AURKB: variants seen among roughly 807,000 people sequenced by gnomAD.
AURKB encodes the protein aurora kinase B-Sv1.
Under a neutral mutation model 36.5 loss-of-function variants are expected in AURKB, and 28 were observed. The observed-to-expected ratio is 0.77, with a 90% CI of 0.57 to 1.05. The LOEUF (loss-of-function observed/expected upper bound fraction) is 1.05. Among genes scored for constraint, AURKB ranks in the 50% least tolerant of loss-of-function variants. AURKB has a pLI of 0.00. For missense variants in AURKB, 383 were observed against 447.4 expected, an observed-to-expected ratio of 0.86 and a Z score of 1.30; for synonymous variants, 175 against 172.9, an observed-to-expected ratio of 1.01 and a Z score of -0.09.
At position 8,204,968 on chromosome 17, in the gene AURKB, G is replaced by A. The variant is rs144169786; in HGVS notation, c.938C>T (p.Ser313Leu). ...GACCTGGGCCAGGGGCAGCCGTTCC[G>A]AGGGGTTATGCCTGAGCAGTTTGGA... Reference protein sequence around the residue: ...LISKLLRHNPSERLPLAQVSA... With the variant: ...LISKLLRHNPLERLPLAQVSA... The change falls in exon 9 of 9, where the codon TCG becomes TTG. Residue 313 changes from serine to leucine, a missense_variant. By Grantham distance (145) the Ser-to-Leu change is moderately radical. Around this residue, in one of 3 missense-constraint regions of AURKB, gnomAD observed 219 missense variants for 252.6 expected, o/e 0.87. Coordinates refer to ENST00000585124, the MANE Select transcript of AURKB (RefSeq NM_004217.4). 1.5e-5 allele frequency: 24 copies of A among 1,610,146 alleles called. No homozygotes were observed. The highest frequency in any genetic ancestry group is 9.4e-5 in the African/African-American group (7 of 74,428).
intron 1 of AURKB, 93 bp from the exon 2 acceptor site, chr17:8,210,342 C>T (rs1985939764): frequency 2.1e-6 from 2 of 974,586 alleles, no homozygotes; most frequent in African/African-American, 3.3e-5. Context: ...CTAGCCCGAG[C>T]TGGTAAAAGG....
At chr17:8,209,885 G>A in intron 2 of AURKB, 1 of 492,788 alleles carries the variant, frequency 2.0e-6, no homozygotes, top group East Asian at 3.7e-5. Context: ...ATCATGGCCT[G>A]AAGGCCAGGC....
Position 8,207,195 on chromosome 17 carries a change from C to T in AURKB, c.379G>A (p.Glu127Lys), listed in dbSNP as rs2151472869. 2 of 1,612,794 alleles carry T rather than the reference C, an allele frequency of 1.2e-6. No individual in the cohort carries two copies. Among genetic ancestry groups the T allele is most frequent in the Non-Finnish European group, 1.7e-6 (2 of 1,178,946 alleles). Residue 127 changes from glutamate (E) to lysine (K), a missense_variant, in exon 5 of 9, where the codon GAA becomes AAA. Transcript: ENST00000585124. ...GVEHQLRREI[E>K]IQAHLHHPNI... ...CCATACTGCAGGTGGGCCTGGATTT[C>T]GATCTCTCTGCGCAGCTGATGCTCC...
rs1319055091 is a variant in AURKB at position 8,204,947 on chromosome 17, T to C, written c.959A>G (p.Gln320Arg). ...HNPSERLPLA[Q>R]VSAHPWVRAN... ...CCGGACCCAAGGGTGGGCTGAGACC[T>C]GGGCCAGGGGCAGCCGTTCCGAGGG... The change falls in exon 9 of 9, where the codon CAG becomes CGG. Residue 320 changes from glutamine to arginine, a missense_variant. Gln to Arg is a conservative substitution (Grantham distance 43, BLOSUM62 1). Transcript: ENST00000585124. 1 of 1,609,270 alleles carries C rather than the reference T, an allele frequency of 6.2e-7. No individual in the cohort carries two copies. Among genetic ancestry groups the C allele is most frequent in the South Asian group, 1.1e-5 (1 of 90,964 alleles).
intron 7 of AURKB, among the ~76,000 whole-genome samples, chr17:8,205,829 C>A (rs1985187148): frequency 6.6e-6 from 1 of 152,074 alleles, no homozygotes; most frequent in South Asian, 2.1e-4. Context: ...CTCACTGCAA[C>A]CTCTGCCTCC....
rs755160237 is a variant in AURKB at position 8,205,232 on chromosome 17, T to A, written c.845A>T (p.Tyr282Phe). The change falls in exon 8 of 9, where the codon TAT becomes TTT. Residue 282 changes from tyrosine (Y) to phenylalanine (F), a missense_variant. Tyr to Phe is a conservative substitution (Grantham distance 22, BLOSUM62 3). This residue lies in a region of AURKB where 219 missense variants were observed against 252.6 expected (regional missense o/e 0.87). Transcript: ENST00000585124. ...CCCTCCCACCTTGACGATGCGGCGA[T>A]AGGTCTCGTTGTGTGATGCACTCTC... ...PFESASHNET[Y>F]RRIVKVDLKF... is the part of the protein sequence containing the mutation. 4.3e-5 allele frequency: 69 copies of A among 1,613,394 alleles called. No homozygotes were observed. Among genetic ancestry groups the A allele is most frequent in the Non-Finnish European group, 5.8e-5 (69 of 1,179,642 alleles).
chr17:8,210,293 G>C, intron 1 of AURKB, 44 bp from the exon 2 acceptor site: 1 of 1,397,956 alleles, frequency 7.2e-7, no homozygotes, highest in Non-Finnish European at 9.9e-7. Flanking sequence ...GAGAAAAAGA[G>C]AGAGAGAGGG....
chr17:8,205,019 A>T lies in AURKB; in HGVS notation c.887T>A (p.Val296Glu). ...GATGAGGTCCTGGGCTCCCATGGGC[A>T]CGGAAGCGGGGAACTTTAGGTCCAC... ...VKVDLKFPAS[V>E]PMGAQDLISK... Residue 296 changes from valine (V) to glutamate (E), a missense_variant, in exon 9 of 9, where the codon GTG (valine) becomes GAG (glutamate). Val to Glu is a moderately radical substitution (Grantham distance 121). This residue lies in a region of AURKB where 219 missense variants were observed against 252.6 expected (regional missense o/e 0.87). Coordinates refer to ENST00000585124, the MANE Select transcript of AURKB (RefSeq NM_004217.4). The T allele has an allele frequency of 6.3e-7, 1 of 1,591,644 alleles. No individual in the cohort carries two copies. The highest frequency in any genetic ancestry group is 1.4e-5 in the African/African-American group (1 of 73,208).
chr17:8,208,496 C>G (rs1251894024), intron 2 of AURKB, among the ~76,000 whole-genome samples: 1 of 151,196 alleles, frequency 6.6e-6, no homozygotes, highest in East Asian at 1.9e-4. Context: ...GAGGCTGAGG[C>G]AGGAGAATCG....
chr17:8,210,123 A>G, intron 2 of AURKB, 54 bp downstream of exon 2: 1 of 1,600,250 alleles, frequency 6.2e-7, no homozygotes, highest in Non-Finnish European at 8.6e-7. Context: ...GTTTCCCAGC[A>G]GGAACTCGCC....
In AURKB at chr17:8,206,590, A is replaced by G. The variant is rs1301272425; in HGVS notation, c.587T>C (p.Val196Ala). The G allele has an allele frequency of 6.2e-7, 1 of 1,614,080 alleles. No homozygotes were observed. The highest frequency in any genetic ancestry group is 8.5e-7 in the Non-Finnish European group (1 of 1,180,014). The change falls in exon 7 of 9, where the codon GTG becomes GCG. Residue 196 changes from valine (V) to alanine (A), a missense_variant. Transcript: ENST00000585124. The surrounding 1 kb of genome is among the most constrained non-coding windows in gnomAD (Gnocchi z 4.2). ...TTCTGGCTTTATGTCTCTGTGAATCACCTTCTTCCCATGGCAGTACATTAG... is the reference window on the plus strand; with the variant it reads ...TTCTGGCTTTATGTCTCTGTGAATCGCCTTCTTCCCATGGCAGTACATTAG... ...DALMYCHGKKVIHRDIKPENL... is the reference protein window; with the variant it reads ...DALMYCHGKKAIHRDIKPENL...
rs1273614816 is a variant in AURKB at position 8,207,293 on chromosome 17, G to A, written c.281C>T (p.Ala94Val). ...GATGAAATGGCTTTTCTTCTCCCGA[G>A]CCAAGTACACGTTTCCAAACTTGCC... ...GKGKFGNVYL[A>V]REKKSHFIVA... Residue 94 changes from alanine (A) to valine (V), a missense_variant, in exon 5 of 9, where the codon GCT (alanine) becomes GTT (valine). Around this residue, in one of 3 missense-constraint regions of AURKB, gnomAD observed 59 missense variants for 99.0 expected, o/e 0.60. Transcript: ENST00000585124. The A allele has an allele frequency of 6.2e-7, 1 of 1,614,048 alleles. No individual in the cohort carries two copies. Among genetic ancestry groups the A allele is most frequent in the Non-Finnish European group, 8.5e-7 (1 of 1,180,044 alleles).
In AURKB at chr17:8,207,762, T is replaced by C; in HGVS notation, c.127A>G (p.Ser43Gly). ...CCTGTGGGCTGGACATTGGAGCGGC[T>C]CATGAGGACAAGTGCAGATGGGGTG... ...PVTPSALVLM[S>G]RSNVQPTAAP... Residue 43 changes from serine (S) to glycine (G), a missense_variant, in exon 3 of 9, where the codon AGC becomes GGC. Around this residue, in one of 3 missense-constraint regions of AURKB, gnomAD observed 105 missense variants for 95.7 expected, o/e 1.10. Transcript: ENST00000585124. 6.2e-7 allele frequency: 1 copy of C among 1,614,056 alleles called. No individual in the cohort carries two copies. Among genetic ancestry groups the C allele is most frequent in the Non-Finnish European group, 8.5e-7 (1 of 1,180,008 alleles).
intron 5 of AURKB, 110 bp downstream of exon 5, chr17:8,207,066 G>T: frequency 4.2e-6 from 6 of 1,442,160 alleles, no homozygotes; most frequent in Non-Finnish European, 5.6e-6. Flanking sequence ...AGCTAAATGG[G>T]GCTCACTAGC....
At position 8,205,025 on chromosome 17, in the gene AURKB, G is replaced by A. The variant is rs773593110; in HGVS notation, c.881C>T (p.Ala294Val). ...GTCCTGGGCTCCCATGGGCACGGAA[G>A]CGGGGAACTTTAGGTCCACCTGCAG... ...RIVKVDLKFP[A>V]SVPMGAQDLI... The change falls in exon 9 of 9, where the codon GCT (alanine) becomes GTT (valine). Residue 294 changes from alanine (A) to valine (V), a missense_variant. Coordinates refer to ENST00000585124, the MANE Select transcript of AURKB (RefSeq NM_004217.4). The A allele has an allele frequency of 1.9e-5, 30 of 1,586,760 alleles. No individual in the cohort carries two copies. Among genetic ancestry groups the A allele is most frequent in the South Asian group, 6.7e-5 (6 of 89,306 alleles).
At position 8,207,160 on chromosome 17, in the gene AURKB, G is replaced by A; in HGVS notation, c.398+16C>T. The stretch of plus-strand genomic sequence containing the variant: ...GGGAGCAGAGGGGCTTCGGCTCAGG[G>A]GGCATCAACCCATACTGCAGGTGGG... On this transcript the variant is annotated intron_variant, in intron 5 of 8. Transcript: ENST00000585124. The A allele has an allele frequency of 6.2e-7, 1 of 1,606,564 alleles. No homozygotes were observed. Among genetic ancestry groups the A allele is most frequent in the South Asian group, 1.1e-5 (1 of 90,790 alleles).
At chr17:8,210,069 C>A (rs781351663) in intron 2 of AURKB, 108 bp downstream of exon 2, 2 of 1,427,578 alleles carry the variant, frequency 1.4e-6, no homozygotes, top group South Asian at 2.4e-5. Context: ...TGGAGCATAA[C>A]GGGGAAGAAA....
At chr17:8,208,630 A>AAATG (rs1985712280) in intron 2 of AURKB, among the ~76,000 whole-genome samples, 1 of 149,702 alleles carries the variant, frequency 6.7e-6, no homozygotes, top group Admixed American at 6.9e-5. Flanking sequence ...ATAAATAAAT[A>AAATG]AAAAATAAAT....
chr17:8,207,684 C>T (rs941598423), intron 3 of AURKB, 54 bp downstream of exon 3: 1 of 1,613,536 alleles, frequency 6.2e-7, no homozygotes, highest in African/African-American at 1.3e-5. Flanking sequence ...TCCCTAAACC[C>T]TCCCACAGAC....
Sources: gnomAD v4.1 joint callset for allele counts (sites outside exome capture counted in the v4.1 genomes callset) on GRCh38, gnomAD v4.1.1 for gene constraint, gnomAD v4.1.1 regional missense constraint, Gnocchi (gnomAD v3.1) non-coding constraint, MANE v1.5 for transcripts, NCBI Gene and HGNC (gene_info 2026-07-23, HGNC 2026-07-21) for gene names.